The following LNPK variants were observed in gnomAD, a reference collection of about 807,000 sequenced individuals.
LNPK encodes the protein lunapark, ER junction formation factor, also known as endoplasmic reticulum junction formation protein lunapark.
In LNPK, 29 loss-of-function variants were observed where a neutral mutation model predicts 55.2. That is an observed-to-expected ratio of 0.53 (90% CI 0.39 to 0.72). LNPK has a LOEUF of 0.72. Ranked by LOEUF, LNPK falls within the 30% of genes least tolerant of loss-of-function variation. The pLI is 0.00. For missense variants in LNPK, 467 were observed against 494.8 expected, an observed-to-expected ratio of 0.94 and a Z score of 0.53; for synonymous variants, 162 against 168.2, an observed-to-expected ratio of 0.96 and a Z score of 0.29.
chr2:175,999,638 G>A (rs749827795), intron 1 of LNPK, among the ~76,000 whole-genome samples: 5 of 152,084 alleles, frequency 3.3e-5, no homozygotes, highest in Non-Finnish European at 7.4e-5. Context: ...TTGGACAGAC[G>A]GTTCAACCTC....
intron 6 of LNPK, chr2:175,967,739 A>G (rs897830306): frequency 2.9e-5 from 28 of 975,026 alleles, no homozygotes; most frequent in Admixed American, 2.5e-4. Context: ...TTTCTTTCAT[A>G]TAAGAGTATT....
intron 1 of LNPK, among the ~76,000 whole-genome samples, chr2:176,001,348 G>A (rs1218044502): frequency 2.0e-5 from 3 of 152,116 alleles, no homozygotes; most frequent in African/African-American, 7.2e-5. Context: ...AACACACACC[G>A]GAGGCCAACT....
chr2:175,945,095 C>T (rs1247957856), intron 9 of LNPK, among the ~76,000 whole-genome samples: 2 of 151,784 alleles, frequency 1.3e-5, no homozygotes, highest in Non-Finnish European at 2.9e-5. Context: ...GACGAGGTTT[C>T]ACCGCGTTAG....
chr2:175,928,428 C>G lies in LNPK; in HGVS notation c.*1539G>C, dbSNP rs1684106006. 1.3e-5 allele frequency: 2 copies of G among 148,534 alleles called. No individual in the cohort carries two copies. Among genetic ancestry groups the G allele is most frequent in the African/African-American group, 2.5e-5 (1 of 40,146 alleles). The allele number at this position is 148,534 out of a possible 1,614,324, so 9.2% of individuals were successfully genotyped here. The stretch of plus-strand genomic sequence containing the variant: ...AGGTGACTTGCCCAAGACTACAGAC[C>G]TGAAATTTAAGCCCAATACGGCAGG... On this transcript the variant is annotated 3_prime_UTR_variant, in exon 13 of 13. Coordinates refer to ENST00000272748, the MANE Select transcript of LNPK (RefSeq NM_030650.3).
chr2:175,943,803 A>G (rs1684983108), intron 9 of LNPK, among the ~76,000 whole-genome samples: 1 of 152,096 alleles, frequency 6.6e-6, no homozygotes, highest in African/African-American at 2.4e-5. Context: ...ATTAAAACAA[A>G]AAACCCTAGA....
intron 8 of LNPK, among the ~76,000 whole-genome samples, chr2:175,955,684 AAGT>A (rs747479754): frequency 1.3e-5 from 2 of 152,226 alleles, no homozygotes; most frequent in Non-Finnish European, 2.9e-5. Context: ...GCAAAATATA[AAGT>A]ATTGCTCCAT....
chr2:175,992,456 A>C, intron 3 of LNPK, 38 bp from the exon 4 acceptor site: 1 of 1,251,968 alleles, frequency 8.0e-7, no homozygotes, highest in Non-Finnish European at 1.1e-6. Context: ...GTAAATTTCA[A>C]ACTTCATAAA....
rs1167833502 is a variant in LNPK, at chr2:175,924,024, T to C, written c.*5943A>G. ...AGTAGAATGCATACACTTAAAACTT[T>C]AATAATTTTGAAACAAGTCAAATTA... On this transcript the variant is annotated 3_prime_UTR_variant, in exon 13 of 13. Coordinates refer to ENST00000272748, the MANE Select transcript of LNPK (RefSeq NM_030650.3). The C allele has an allele frequency of 6.6e-6, 1 of 152,200 alleles. No individual in the cohort carries two copies. Among genetic ancestry groups the C allele is most frequent in the East Asian group, 1.9e-4 (1 of 5,196 alleles). The allele number at this position is 152,200 out of a possible 1,614,324, so 9.4% of individuals were successfully genotyped here.
At chr2:175,939,437 C>A in intron 10 of LNPK, 115 bp downstream of exon 10, 1 of 480,646 alleles carries the variant, frequency 2.1e-6, no homozygotes, top group South Asian at 5.7e-5. Context: ...ATAAAATACT[C>A]CACTATGCTC....
At position 175,926,068 on chromosome 2, in the gene LNPK, A is replaced by C. The variant is rs184381969; in HGVS notation, c.*3899T>G. On this transcript the variant is annotated 3_prime_UTR_variant, in exon 13 of 13. Transcript: ENST00000272748. Reference sequence around the variant, plus strand: ...AAACCAGTTAAGAGACAGCTTTGGTAATCTGAAATGATGGAGGCCAAGATT... The same window carrying C: ...AAACCAGTTAAGAGACAGCTTTGGTCATCTGAAATGATGGAGGCCAAGATT... The C allele has an allele frequency of 3.9e-5, 6 of 152,356 alleles. No homozygotes were observed. Among genetic ancestry groups the C allele is most frequent in the African/African-American group, 1.4e-4 (6 of 41,594 alleles). 9.4% of individuals were successfully genotyped at this position (152,356 alleles called of 1,614,324 possible).
intron 6 of LNPK, 52 bp from the exon 7 acceptor site, chr2:175,964,641 ATTTG>A: frequency 1.0e-6 from 1 of 952,848 alleles, no homozygotes. Flanking sequence ...CACACTACTT[ATTTG>A]TATAAGTCCT....
chr2:175,956,716 T>C (rs1685712762), intron 8 of LNPK, among the ~76,000 whole-genome samples: 1 of 152,228 alleles, frequency 6.6e-6, no homozygotes, highest in African/African-American at 2.4e-5. Flanking sequence ...ACCTTTTGAC[T>C]GTCCATCACT....
At chr2:175,995,866 T>G (rs374842266) in intron 1 of LNPK, among the ~76,000 whole-genome samples, 2 of 124,250 alleles carry the variant, frequency 1.6e-5, no homozygotes, top group African/African-American at 3.0e-5. Context: ...CAGGCTGGAG[T>G]GCAGTGGCGA....
chr2:176,002,250 C>A lies in LNPK; in HGVS notation c.-153G>T, dbSNP rs957402551. On this transcript the variant is annotated 5_prime_UTR_variant, in exon 1 of 13. Transcript: ENST00000272748. ...GCCTGCCTCCAGAGCAGGCAGCAGCCGCCACTGACAGAGAGACAAGCCGGG... is the reference window on the plus strand; with the variant it reads ...GCCTGCCTCCAGAGCAGGCAGCAGCAGCCACTGACAGAGAGACAAGCCGGG... 8 of 450,830 alleles carry A rather than the reference C, an allele frequency of 1.8e-5. No individual in the cohort carries two copies. The highest frequency in any genetic ancestry group is 1.7e-4 in the Admixed American group (7 of 42,296). 27.9% of individuals were successfully genotyped at this position (450,830 alleles called of 1,614,324 possible).
Position 176,002,186 on chromosome 2 carries a change from C to A in LNPK, c.-89G>T, listed in dbSNP as rs745956591. ...TGCAAGAAGCGGGCGCAGCCCGGCC[C>A]GGGCGTCCACCCCCGCCAGTCTCGG... On this transcript the variant is annotated 5_prime_UTR_variant, in exon 1 of 13. Transcript: ENST00000272748. The A allele has an allele frequency of 2.2e-6, 1 of 445,240 alleles. No individual in the cohort carries two copies. The highest frequency in any genetic ancestry group is 2.0e-5 in the African/African-American group (1 of 48,930). The allele number at this position is 445,240 out of a possible 1,614,324, so 27.6% of individuals were successfully genotyped here.
At chr2:175,944,949 G>C (rs1685048184) in intron 9 of LNPK, among the ~76,000 whole-genome samples, 2 of 150,656 alleles carry the variant, frequency 1.3e-5, no homozygotes, top group African/African-American at 2.4e-5. Context: ...TTTTTTTTGA[G>C]ACACAGTGGC....
At chr2:175,999,606 A>G (rs1688085666) in intron 1 of LNPK, among the ~76,000 whole-genome samples, 1 of 152,198 alleles carries the variant, frequency 6.6e-6, no homozygotes, top group African/African-American at 2.4e-5. Flanking sequence ...TCTGAGGCAT[A>G]AATCAATTTG....
At position 175,992,305 on chromosome 2, in the gene LNPK, T is replaced by C. The variant is rs1687740999; in HGVS notation, c.183A>G (p.Val61=). 5 of 1,574,032 alleles carry C rather than the reference T, an allele frequency of 3.2e-6. No homozygotes were observed. The highest frequency in any genetic ancestry group is 2.4e-5 in the South Asian group (2 of 82,932). The change falls in exon 4 of 13, where the codon GTA becomes GTG. Residue 61 remains valine, a synonymous_variant. Transcript: ENST00000272748. The stretch of plus-strand genomic sequence containing the variant: ...ATTCATCAGGAAGATACCACAAATA[T>C]ACAATTAAGCATGTAAACAGATAGA... ...SVLYLFTCLI[V]YLWYLPDEFT... is the part of the protein sequence containing the mutation.
At chr2:175,985,564 T>C (rs1687367232) in intron 4 of LNPK, among the ~76,000 whole-genome samples, 1 of 152,198 alleles carries the variant, frequency 6.6e-6, no homozygotes, top group African/African-American at 2.4e-5. Flanking sequence ...TCTTCCCGTT[T>C]TCCAGGCTAA....
Sources: allele counts gnomAD v4.1 joint callset (sites outside exome capture counted in the v4.1 genomes callset), GRCh38; gene constraint gnomAD v4.1.1; transcripts MANE v1.5; gene names NCBI Gene and HGNC (gene_info 2026-07-23, HGNC 2026-07-21).